The following PLCB1 variants were observed in gnomAD, a reference collection of about 807,000 sequenced individuals.
PLCB1 encodes phospholipase C beta 1.
In PLCB1, 46 loss-of-function variants were observed where a neutral mutation model predicts 161.8. The ratio of observed to expected loss-of-function variants is 0.28; its 90% CI spans 0.22 to 0.36. PLCB1 has a LOEUF of 0.36. Among genes scored for constraint, PLCB1 ranks in the 10% least tolerant of loss-of-function variants. The pLI is 1.00. For missense variants in PLCB1, 1,016 were observed against 1,472.5 expected (o/e 0.69, Z 5.07); for synonymous variants, 517 against 503.7 (o/e 1.03, Z -0.35).
At chr20:8,627,599 A>G (rs987665009) in intron 3 of PLCB1, among the ~76,000 whole-genome samples, 1 of 152,186 alleles carries the variant, frequency 6.6e-6, no homozygotes, top group African/African-American at 2.4e-5. Context: ...GCCCTATTTT[A>G]GGTTTCACTT....
intron 23 of PLCB1, among the ~76,000 whole-genome samples, chr20:8,743,190 T>C (rs187852233): frequency 1.2e-4 from 19 of 152,354 alleles, no homozygotes; most frequent in Admixed American, 1.0e-3. Flanking sequence ...TGAACTGTTA[T>C]ATATGGCTTT....
At chr20:8,652,560 G>T (rs186093164) in intron 7 of PLCB1, 1 of 152,002 alleles carries the variant, frequency 6.6e-6, no homozygotes, top group Admixed American at 6.6e-5. Context: ...TTCACAAGAG[G>T]TATTTTAAAC....
At chr20:8,443,164 T>C (rs2122618870) in intron 3 of PLCB1, among the ~76,000 whole-genome samples, 1 of 152,210 alleles carries the variant, frequency 6.6e-6, no homozygotes, top group East Asian at 1.9e-4. Flanking sequence ...GTATTTTTAG[T>C]AGAGATGGGG....
intron 31 of PLCB1, among the ~76,000 whole-genome samples, chr20:8,868,992 G>T (rs1381665471): frequency 6.6e-6 from 1 of 152,112 alleles, no homozygotes; most frequent in African/African-American, 2.4e-5. Flanking sequence ...TGGATGGTAG[G>T]CTTTAGTCTC....
chr20:8,371,469 T>A lies in PLCB1; in HGVS notation c.246+19T>A. The stretch of plus-strand genomic sequence containing the variant: ...TCCCAAGGTAGGAGGTTGAGTGTTG[T>A]GCATGCACCAGATGCTGCCTTGATT... On this transcript the variant is annotated intron_variant, in intron 3 of 31. Transcript: ENST00000338037. 1.9e-6 allele frequency: 3 copies of A among 1,561,288 alleles called. No homozygotes were observed. The highest frequency in any genetic ancestry group is 2.6e-6 in the Non-Finnish European group (3 of 1,137,532).
At chr20:8,166,861 C>T (rs2123060784) in intron 2 of PLCB1, among the ~76,000 whole-genome samples, 1 of 152,280 alleles carries the variant, frequency 6.6e-6, no homozygotes, top group South Asian at 2.1e-4. Context: ...CTGCTTGGAA[C>T]ACATGTTTTC....
intron 3 of PLCB1, among the ~76,000 whole-genome samples, chr20:8,432,633 A>AT (rs1980101302): frequency 6.6e-6 from 1 of 152,156 alleles, no homozygotes; most frequent in African/African-American, 2.4e-5. Context: ...AAGCAGTATT[A>AT]TTTTTTAACC....
chr20:8,551,744 G>A (rs1171491132), intron 3 of PLCB1, among the ~76,000 whole-genome samples: 2 of 152,096 alleles, frequency 1.3e-5, no homozygotes, highest in Non-Finnish European at 2.9e-5. Context: ...CAACAGTGCA[G>A]CCCTTATTGG....
chr20:8,159,870 C>T (rs1352035095), intron 2 of PLCB1, among the ~76,000 whole-genome samples: 2 of 151,638 alleles, frequency 1.3e-5, no homozygotes, highest in Admixed American at 6.6e-5. Context: ...GCCTGTAATC[C>T]CAGCTACCTG....
chr20:8,731,070 G>A lies in PLCB1; in HGVS notation c.1888+1896G>A, dbSNP rs1388835306. Among the ~76,000 whole-genome samples, 5 of 151,718 alleles carry A rather than the reference G, an allele frequency of 3.3e-5. No homozygotes were observed. In the South Asian group the frequency reaches 6.2e-4, roughly 19 times the overall value. The stretch of plus-strand genomic sequence containing the variant: ...TTCTCAGGTATTAAATGAGGGTTCC[G>A]AGTGGGCATCTTTCTTTTTTATTCA... On this transcript the variant is annotated intron_variant, in intron 18 of 31. Transcript: ENST00000338037.
chr20:8,385,998 A>C (rs1252449520), intron 3 of PLCB1, among the ~76,000 whole-genome samples: 1 of 152,256 alleles, frequency 6.6e-6, no homozygotes, highest in Non-Finnish European at 1.5e-5. Flanking sequence ...ATAAGATTGC[A>C]GCAAAGCAGT....
chr20:8,186,547 T>G (rs1399024371), intron 2 of PLCB1, among the ~76,000 whole-genome samples: 1 of 152,192 alleles, frequency 6.6e-6, no homozygotes, highest in East Asian at 1.9e-4. Flanking sequence ...CAAAATGTCT[T>G]GCAAATCTCT....
chr20:8,387,379 A>C (rs2719798), intron 3 of PLCB1, among the ~76,000 whole-genome samples: 33,839 of 152,062 alleles, frequency 0.22, 4,007 homozygotes, highest in South Asian at 0.41. Flanking sequence ...CAGGAGAGGG[A>C]GAAAGATAAG....
intron 3 of PLCB1, among the ~76,000 whole-genome samples, chr20:8,470,484 G>T (rs906173854): frequency 2.6e-5 from 4 of 152,114 alleles, no homozygotes; most frequent in African/African-American, 9.7e-5. Context: ...TTGTGGTTTT[G>T]ATGTGCATTT....
At chr20:8,385,109 A>G (rs1987384936) in intron 3 of PLCB1, among the ~76,000 whole-genome samples, 1 of 152,180 alleles carries the variant, frequency 6.6e-6, no homozygotes, top group Non-Finnish European at 1.5e-5. Flanking sequence ...GGCTGCCTGG[A>G]TTCCTCAGAA....
chr20:8,800,461 AC>A (rs1984230983), intron 31 of PLCB1, among the ~76,000 whole-genome samples: 1 of 152,190 alleles, frequency 6.6e-6, no homozygotes, highest in Non-Finnish European at 1.5e-5. Flanking sequence ...ACACATATAC[AC>A]AATAACACAT....
intron 4 of PLCB1, among the ~76,000 whole-genome samples, chr20:8,629,861 C>CTT (rs1406727929): frequency 1.1e-4 from 10 of 92,126 alleles, no homozygotes; most frequent in Admixed American, 4.0e-4. Context: ...TTCTTTCTTT[C>CTT]TTTCTTTCTT....
chr20:8,189,166 T>G (rs2123105658), intron 2 of PLCB1, among the ~76,000 whole-genome samples: 1 of 151,790 alleles, frequency 6.6e-6, no homozygotes, highest in Middle Eastern at 3.4e-3. Context: ...ACACAGAAAA[T>G]TATGCTTATT....
At chr20:8,862,139 A>G (rs1987279275) in intron 31 of PLCB1, among the ~76,000 whole-genome samples, 2 of 152,232 alleles carry the variant, frequency 1.3e-5, no homozygotes, top group South Asian at 2.1e-4. Flanking sequence ...TTCCTCTTGT[A>G]GAATACATTT....
Sources: allele counts gnomAD v4.1 joint callset (sites outside exome capture counted in the v4.1 genomes callset), GRCh38; gene constraint gnomAD v4.1.1; transcripts MANE v1.5; gene names NCBI Gene and HGNC (gene_info 2026-07-23, HGNC 2026-07-21).